Variants in CAST observed in about 807,000 individuals in gnomAD.
The protein encoded by CAST is MIR583 host.
Under a neutral mutation model 119.6 loss-of-function variants are expected in CAST, and 76 were observed. That is an observed-to-expected ratio of 0.64 (90% confidence interval 0.53 to 0.77). The LOEUF is 0.77. CAST is among the 30% of genes least tolerant of loss of function. The probability of loss-of-function intolerance (pLI) is 0.00; values close to 1 mark genes in which losing one functional copy is unlikely to be tolerated. For missense variants in CAST, 953 were observed against 946.5 expected (o/e 1.01, Z -0.09); for synonymous variants, 319 against 331.6 (o/e 0.96, Z 0.41).
the CAST span, among the ~76,000 whole-genome samples, chr5:95,996,965 T>C: frequency 1.3e-5 from 2 of 151,928 alleles, no homozygotes; most frequent in South Asian, 2.1e-4. Flanking sequence ...ACATAAGAAA[T>C]AGTAAAACAA....
At chr5:96,195,575 T>C in the CAST span, among the ~76,000 whole-genome samples, 78 of 152,354 alleles carry the variant, frequency 5.1e-4, no homozygotes, top group Non-Finnish European at 8.7e-4. Flanking sequence ...ATCTACTCAA[T>C]ATAACATTTT....
At chr5:96,218,888 C>G in the CAST span, among the ~76,000 whole-genome samples, 1 of 152,156 alleles carries the variant, frequency 6.6e-6, no homozygotes, top group Admixed American at 6.5e-5. Flanking sequence ...TCAGGCAGCC[C>G]TCAACTTGAG....
At chr5:96,641,156 G>C (rs539636617) in intron 1 of CAST, among the ~76,000 whole-genome samples, 3 of 152,176 alleles carry the variant, frequency 2.0e-5, no homozygotes, top group Non-Finnish European at 4.4e-5. Context: ...GAGCAGCCAT[G>C]CTATTAATAC....
the CAST span, among the ~76,000 whole-genome samples, chr5:96,239,613 T>G: frequency 1.6e-4 from 24 of 152,246 alleles, no homozygotes; most frequent in Admixed American, 3.3e-4. Context: ...GGGAGTCTTT[T>G]TGTCCTAACG....
the CAST span, chr5:96,408,350 G>A: frequency 1.7e-5 from 27 of 1,557,066 alleles, no homozygotes; most frequent in East Asian, 2.2e-5. Flanking sequence ...AGGAGAGAAA[G>A]GCAGGGAGAA....
chr5:96,406,160 G>C, the CAST span, among the ~76,000 whole-genome samples: 5 of 152,174 alleles, frequency 3.3e-5, no homozygotes, highest in South Asian at 1.0e-3. Flanking sequence ...TGTAAAAAAA[G>C]GTCTCGTTTG....
chr5:96,161,138 A>G, the CAST span, among the ~76,000 whole-genome samples: 1 of 151,944 alleles, frequency 6.6e-6, no homozygotes, highest in Non-Finnish European at 1.5e-5. Context: ...TTTTTCTTCT[A>G]TCTCTTGTGC....
chr5:96,489,567 G>T, the CAST span, among the ~76,000 whole-genome samples: 1 of 152,152 alleles, frequency 6.6e-6, no homozygotes, highest in African/African-American at 2.4e-5. Context: ...CTCAATATGA[G>T]CACATATGAA....
At chr5:96,234,663 G>A in the CAST span, among the ~76,000 whole-genome samples, 1 of 152,124 alleles carries the variant, frequency 6.6e-6, no homozygotes, top group Non-Finnish European at 1.5e-5. Flanking sequence ...AGAAAGAAAA[G>A]GGAAATTCAA....
chr5:96,082,381 T>C, the CAST span, among the ~76,000 whole-genome samples: 1 of 152,174 alleles, frequency 6.6e-6, no homozygotes, highest in African/African-American at 2.4e-5. Flanking sequence ...ATCTCCATTT[T>C]GCAGCTGAGA....
At chr5:96,391,605 GT>G in the CAST span, 1 of 152,232 alleles carries the variant, frequency 6.6e-6, no homozygotes, top group South Asian at 2.1e-4. Context: ...CATTCGCTTA[GT>G]GTAGGAGTGG....
the CAST span, among the ~76,000 whole-genome samples, chr5:96,411,896 G>A: frequency 5.0e-3 from 764 of 152,220 alleles, 8 homozygotes; most frequent in African/African-American, 0.017. Flanking sequence ...TGCTACCTCC[G>A]CCTTCTGGGT....
the CAST span, among the ~76,000 whole-genome samples, chr5:96,228,875 A>T: frequency 9.2e-5 from 14 of 152,204 alleles, no homozygotes; most frequent in Non-Finnish European, 1.9e-4. Context: ...TAATAATAAA[A>T]TATATAGGTA....
At chr5:96,505,087 A>T in the CAST span, among the ~76,000 whole-genome samples, 1 of 152,164 alleles carries the variant, frequency 6.6e-6, no homozygotes, top group African/African-American at 2.4e-5. Context: ...CTTTGTGTGG[A>T]CACATGTTTA....
intron 2 of CAST, among the ~76,000 whole-genome samples, chr5:96,689,094 A>C (rs1036977322): frequency 6.6e-6 from 1 of 152,202 alleles, no homozygotes; most frequent in African/African-American, 2.4e-5. Flanking sequence ...CTTGGAGGGC[A>C]AGAATACTGA....
At chr5:96,001,242 C>G in the CAST span, among the ~76,000 whole-genome samples, 1 of 152,126 alleles carries the variant, frequency 6.6e-6, no homozygotes, top group Admixed American at 6.5e-5. Context: ...ATACCAGATG[C>G]TTTTATAGAG....
chr5:96,068,296 C>T, the CAST span, among the ~76,000 whole-genome samples: 1 of 152,114 alleles, frequency 6.6e-6, no homozygotes, highest in African/African-American at 2.4e-5. Context: ...TATATTATCT[C>T]TATTACTGAA....
At chr5:96,543,677 A>C (rs751352746) in intron 1 of CAST, among the ~76,000 whole-genome samples, 17 of 152,134 alleles carry the variant, frequency 1.1e-4, no homozygotes, top group African/African-American at 3.9e-4. Flanking sequence ...ACCCAAAATC[A>C]CCCAGAATTT....
the CAST span, among the ~76,000 whole-genome samples, chr5:96,502,700 T>C: frequency 6.6e-6 from 1 of 151,694 alleles, no homozygotes; most frequent in Non-Finnish European, 1.5e-5. Flanking sequence ...TATCTGCTTT[T>C]GGGGGTGAGG....
Sources: gnomAD v4.1 joint callset for allele counts (sites outside exome capture counted in the v4.1 genomes callset) on GRCh38, gnomAD v4.1.1 for gene constraint, MANE v1.5 for transcripts, NCBI Gene and HGNC (gene_info 2026-07-23, HGNC 2026-07-21) for gene names.